The following PDE10A variants were observed in gnomAD, a reference collection of about 807,000 sequenced individuals.
PDE10A encodes phosphodiesterase 10A, also known as cAMP and cAMP-inhibited cGMP 3',5'-cyclic phosphodiesterase 10A.
PDE10A carries 39 observed loss-of-function variants against 97.7 expected under a neutral mutation model. The ratio of observed to expected loss-of-function variants is 0.40; its 90% CI spans 0.31 to 0.52. PDE10A has a LOEUF of 0.52. PDE10A is among the 20% of genes least tolerant of loss of function. The probability of loss-of-function intolerance (pLI) is 0.56; values close to 1 mark genes in which losing one functional copy is unlikely to be tolerated. For missense variants in PDE10A, 731 were observed against 1,047.8 expected, an observed-to-expected ratio of 0.70 and a Z score of 4.17; for synonymous variants, 371 against 376.8, an observed-to-expected ratio of 0.98 and a Z score of 0.18.
At chr6:165,337,688 T>C (rs1383873685) in intron 20 of PDE10A, among the ~76,000 whole-genome samples, 1 of 152,216 alleles carries the variant, frequency 6.6e-6, no homozygotes, top group East Asian at 1.9e-4. Flanking sequence ...TTTAAACCTT[T>C]ATTAGGCTGT....
At chr6:165,727,527 C>A (rs570920679) in intron 1 of PDE10A, among the ~76,000 whole-genome samples, 25 of 152,298 alleles carry the variant, frequency 1.6e-4, no homozygotes, top group Middle Eastern at 3.4e-3. Context: ...AGAAAATCTA[C>A]CCCCAAATGA....
At chr6:165,619,764 G>GTAGTA (rs1788036257) in intron 1 of PDE10A, among the ~76,000 whole-genome samples, 1 of 149,974 alleles carries the variant, frequency 6.7e-6, no homozygotes, top group Non-Finnish European at 1.5e-5. Context: ...CTAGTGTAGT[G>GTAGTA]TAGACTAGTG....
intron 1 of PDE10A, among the ~76,000 whole-genome samples, chr6:165,554,976 C>CA (rs1784180837): frequency 1.3e-5 from 2 of 152,046 alleles, no homozygotes; most frequent in South Asian, 4.2e-4. Flanking sequence ...AAAATAACTG[C>CA]ACTCATGGAC....
At chr6:165,700,209 A>G (rs55924213) in intron 1 of PDE10A, among the ~76,000 whole-genome samples, 7,413 of 152,278 alleles carry the variant, frequency 0.049, 318 homozygotes, top group African/African-American at 0.11. Context: ...AAGAGACCAC[A>G]TACTGGATGA....
chr6:165,663,909 C>T (rs1219789074), upstream of PDE10A, among the ~76,000 whole-genome samples: 1 of 152,194 alleles, frequency 6.6e-6, no homozygotes, highest in East Asian at 1.9e-4. Context: ...AATGAGCCGC[C>T]CAATGGGCGC....
intron 21 of PDE10A, among the ~76,000 whole-genome samples, chr6:165,333,867 G>C (rs1781485191): frequency 1.3e-5 from 2 of 152,160 alleles, no homozygotes; most frequent in South Asian, 4.1e-4. Flanking sequence ...ATTCCTGTGT[G>C]AAGTCACATG....
intron 1 of PDE10A, among the ~76,000 whole-genome samples, chr6:165,612,163 G>T (rs187298432): frequency 6.6e-6 from 1 of 152,268 alleles, no homozygotes; most frequent in Non-Finnish European, 1.5e-5. Context: ...GATATATATT[G>T]CTCAGAGAAT....
In PDE10A at chr6:165,442,042, T is replaced by C. The variant is rs191234918; in HGVS notation, c.1195-6665A>G. Among the ~76,000 whole-genome samples, 215 of 152,342 alleles carry C rather than the reference T, an allele frequency of 1.4e-3. 1 individual carries two copies. Among genetic ancestry groups the C allele is most frequent in the African/African-American group, 5.0e-3 (209 of 41,584 alleles). ...TTTTTAGATTATTAAACATATATATTTCTTTTTTGTCAGTTTAGTAAATGG... is the reference window on the plus strand; with the variant it reads ...TTTTTAGATTATTAAACATATATATCTCTTTTTTGTCAGTTTAGTAAATGG... On this transcript the variant is annotated intron_variant, in intron 5 of 21. Coordinates refer to ENST00000539869, the MANE Select transcript of PDE10A (RefSeq NM_001385079.1).
chr6:165,831,589 T>C lies in PDE10A; in HGVS notation c.-615+155940A>G, dbSNP rs1296244495. On this transcript the variant is annotated intron_variant, in intron 1 of 19. Coordinates refer to the PDE10A transcript ENST00000366882. The stretch of plus-strand genomic sequence containing the variant: ...GCCTCCCGGGTTCACGCCATTCTCC[T>C]GCCTCAGCCTCCTGAGTAGCTGGGA... 1.2e-4 allele frequency among the ~76,000 whole-genome samples: 18 copies of C among 149,528 alleles called. No individual in the cohort carries two copies. The East Asian group carries it at 3.6e-3, about 30-fold the overall frequency.
intron 1 of PDE10A, among the ~76,000 whole-genome samples, chr6:165,824,999 A>G (rs1779688199): frequency 6.6e-6 from 1 of 150,384 alleles, no homozygotes; most frequent in East Asian, 1.9e-4. Context: ...AATACAAAAA[A>G]TTAGCTGGGC....
intron 5 of PDE10A, among the ~76,000 whole-genome samples, chr6:165,444,166 C>T (rs1405537686): frequency 2.6e-5 from 4 of 152,174 alleles, no homozygotes; most frequent in South Asian, 2.1e-4. Context: ...CTTCACTATC[C>T]GTATCACTGT....
intron 18 of PDE10A, among the ~76,000 whole-genome samples, chr6:165,375,772 T>G (rs977686756): frequency 1.3e-5 from 2 of 152,180 alleles, no homozygotes; most frequent in Non-Finnish European, 2.9e-5. Flanking sequence ...CAATGATTAT[T>G]TACCATTTCA....
At chr6:165,906,016 C>CTTT (rs1782261698) in intron 1 of PDE10A, among the ~76,000 whole-genome samples, 1 of 36,428 alleles carries the variant, frequency 2.7e-5, no homozygotes, top group Non-Finnish European at 4.9e-5. Flanking sequence ...TCCTTCCTTC[C>CTTT]CTCCCTCCCT....
At chr6:165,706,085 G>T (rs1421992292) in intron 1 of PDE10A, among the ~76,000 whole-genome samples, 1 of 152,222 alleles carries the variant, frequency 6.6e-6, no homozygotes, top group African/African-American at 2.4e-5. Flanking sequence ...CCAGGAACAT[G>T]CAGAGGGAGT....
At chr6:165,592,131 C>T (rs1167474272) in intron 1 of PDE10A, among the ~76,000 whole-genome samples, 1 of 152,172 alleles carries the variant, frequency 6.6e-6, no homozygotes, top group Non-Finnish European at 1.5e-5. Flanking sequence ...TGGAACAGAA[C>T]AGAGGCCTCA....
chr6:165,487,118 G>C (rs988605712), intron 2 of PDE10A, among the ~76,000 whole-genome samples: 20 of 152,202 alleles, frequency 1.3e-4, no homozygotes, highest in Admixed American at 1.2e-3. Context: ...TCAACTGCTT[G>C]AGATGGCAAA....
intron 1 of PDE10A, among the ~76,000 whole-genome samples, chr6:165,624,860 T>C (rs977470468): frequency 6.6e-6 from 1 of 152,190 alleles, no homozygotes; most frequent in African/African-American, 2.4e-5. Flanking sequence ...ACAGAGCAGG[T>C]GTCACAGGCA....
intron 1 of PDE10A, among the ~76,000 whole-genome samples, chr6:165,895,893 C>T (rs1419592046): frequency 6.6e-6 from 1 of 152,180 alleles, no homozygotes; most frequent in African/African-American, 2.4e-5. Flanking sequence ...TCTGGACACA[C>T]AAGCAGATTG....
chr6:165,415,694 C>T lies in PDE10A; in HGVS notation c.1889+495G>A, dbSNP rs536351866. On this transcript the variant is annotated intron_variant, in intron 12 of 21. Coordinates refer to ENST00000539869, the MANE Select transcript of PDE10A (RefSeq NM_001385079.1). ...GCAACAAAATTGGCATTATCATACT[C>T]ATCTTAAAGATGAGGAAACTGAGGC... Among the ~76,000 whole-genome samples, 11 of 152,234 alleles carry T rather than the reference C, an allele frequency of 7.2e-5. No individual in the cohort carries two copies. The South Asian group carries it at 2.3e-3, about 32-fold the overall frequency.
Sources: allele counts gnomAD v4.1 joint callset (sites outside exome capture counted in the v4.1 genomes callset), GRCh38; gene constraint gnomAD v4.1.1; transcripts MANE v1.5; gene names NCBI Gene and HGNC (gene_info 2026-07-23, HGNC 2026-07-21).